The following TWSG1 variants were observed in gnomAD, a reference collection of about 807,000 sequenced individuals.
The protein encoded by TWSG1 is twisted gastrulation BMP signaling modulator 1.
TWSG1 carries 15 observed loss-of-function variants against 23.0 expected under a neutral mutation model. The observed-to-expected ratio is 0.65, with a 90% CI of 0.44 to 1.00. TWSG1 has a LOEUF of 1.00. Among genes scored for constraint, TWSG1 ranks in the 50% least tolerant of loss-of-function variants. The pLI is 0.00. For missense variants in TWSG1, 242 were observed against 278.7 expected (o/e 0.87, Z 0.94); for synonymous variants, 86 against 92.8 (o/e 0.93, Z 0.42).
At chr18:9,349,913 G>A (rs1173390969) in intron 2 of TWSG1, among the ~76,000 whole-genome samples, 3 of 152,122 alleles carry the variant, frequency 2.0e-5, no homozygotes, top group African/African-American at 4.8e-5. Context: ...AGGCTGAGGC[G>A]GGCAGGTCAC....
chr18:9,374,378 A>T (rs906370449), intron 3 of TWSG1, among the ~76,000 whole-genome samples: 11 of 152,240 alleles, frequency 7.2e-5, no homozygotes, highest in African/African-American at 2.7e-4. Context: ...TAGTAAAAGG[A>T]CAATAAAAGA....
chr18:9,385,789 T>C (rs899213829), intron 3 of TWSG1, among the ~76,000 whole-genome samples: 1 of 151,578 alleles, frequency 6.6e-6, no homozygotes, highest in East Asian at 1.9e-4. Flanking sequence ...TTTTAAAAAC[T>C]GATTGTTATC....
intron 3 of TWSG1, among the ~76,000 whole-genome samples, chr18:9,381,276 C>G (rs1255212781): frequency 6.6e-6 from 1 of 152,180 alleles, no homozygotes; most frequent in Non-Finnish European, 1.5e-5. Context: ...ATCTGTTCTT[C>G]TAATGCAACT....
chr18:9,349,427 T>C (rs996868684), intron 2 of TWSG1, among the ~76,000 whole-genome samples: 1 of 152,214 alleles, frequency 6.6e-6, no homozygotes, highest in Non-Finnish European at 1.5e-5. Flanking sequence ...CTTTGTTGTC[T>C]GAACATTTAT....
At chr18:9,365,282 A>C (rs1397956447) in intron 3 of TWSG1, among the ~76,000 whole-genome samples, 1 of 152,190 alleles carries the variant, frequency 6.6e-6, no homozygotes, top group African/African-American at 2.4e-5. Flanking sequence ...TGATTGCACT[A>C]CAGCACTCCA....
intron 3 of TWSG1, among the ~76,000 whole-genome samples, chr18:9,383,288 G>A (rs1384764040): frequency 6.7e-6 from 1 of 150,160 alleles, no homozygotes; most frequent in Non-Finnish European, 1.5e-5. Context: ...CCGCCTCCCA[G>A]GTTCAAACGA....
chr18:9,394,110 A>C lies in TWSG1; in HGVS notation c.224-2170A>C, dbSNP rs138733219. Among the ~76,000 whole-genome samples, 1,111 of 152,334 alleles carry C rather than the reference A, an allele frequency of 7.3e-3. 7 individuals are homozygous for C. The highest frequency in any genetic ancestry group is 0.012 in the Non-Finnish European group (796 of 68,028). ...AAGAGACATCTGCACCTCTGTGTTTATTGCAGCAGTATTCACAATTGCCAA... is the reference window on the plus strand; with the variant it reads ...AAGAGACATCTGCACCTCTGTGTTTCTTGCAGCAGTATTCACAATTGCCAA... On this transcript the variant is annotated intron_variant, in intron 3 of 4. Coordinates refer to ENST00000262120, the MANE Select transcript of TWSG1 (RefSeq NM_020648.6).
At chr18:9,382,058 G>T (rs1361271237) in intron 3 of TWSG1, among the ~76,000 whole-genome samples, 4 of 150,582 alleles carry the variant, frequency 2.7e-5, no homozygotes, top group African/African-American at 9.8e-5. Context: ...TACATCAAAA[G>T]GTATCTTTCA....
rs568244360 is a variant in TWSG1, at chr18:9,385,666, G to A, written c.224-10614G>A. Among the ~76,000 whole-genome samples the A allele has an allele frequency of 4.7e-3, 132 of 27,810 alleles. 35 individuals are homozygous for A. Among genetic ancestry groups the A allele is most frequent in the Non-Finnish European group, 6.4e-3 (105 of 16,354 alleles). 18.2% of individuals were successfully genotyped at this position (27,810 alleles called of 152,430 possible). A position where few individuals can be genotyped will look rare whatever the true frequency, so the allele number is the denominator to read the frequency against. Reference sequence around the variant, plus strand: ...ATTGCGCCACTGCAGTCCGCAGTCCGACCTGGGCGACAGAGCGAGACTCCG... The same window carrying A: ...ATTGCGCCACTGCAGTCCGCAGTCCAACCTGGGCGACAGAGCGAGACTCCG... On this transcript the variant is annotated intron_variant, in intron 3 of 4. Transcript: ENST00000262120.
intron 2 of TWSG1, among the ~76,000 whole-genome samples, chr18:9,348,694 G>GA (rs1211744441): frequency 3.9e-5 from 6 of 152,170 alleles, no homozygotes; most frequent in African/African-American, 1.4e-4. Flanking sequence ...GTACAGAAAT[G>GA]AATACAATAA....
chr18:9,382,612 G>A (rs1464966225), intron 3 of TWSG1, among the ~76,000 whole-genome samples: 3 of 151,512 alleles, frequency 2.0e-5, no homozygotes, highest in Non-Finnish European at 4.4e-5. Flanking sequence ...TCAGGAGTTC[G>A]CCTGGCCAAC....
intron 3 of TWSG1, among the ~76,000 whole-genome samples, chr18:9,369,098 A>G (rs2040592682): frequency 6.7e-6 from 1 of 149,970 alleles, no homozygotes; most frequent in Admixed American, 6.8e-5. Flanking sequence ...AACAGAGTAG[A>G]CTCTGTCTCA....
chr18:9,377,144 A>T (rs935607975), intron 3 of TWSG1, among the ~76,000 whole-genome samples: 51 of 152,188 alleles, frequency 3.4e-4, no homozygotes, highest in Middle Eastern at 3.4e-3. Context: ...TCAAGGGATG[A>T]CTGTAGTCAA....
At chr18:9,356,921 T>G (rs1421752201) in intron 2 of TWSG1, among the ~76,000 whole-genome samples, 1 of 151,428 alleles carries the variant, frequency 6.6e-6, no homozygotes, top group Non-Finnish European at 1.5e-5. Context: ...TAAATTAAAA[T>G]TTTTTAAAAA....
intron 3 of TWSG1, among the ~76,000 whole-genome samples, chr18:9,383,690 G>C (rs1322963291): frequency 6.6e-6 from 1 of 152,158 alleles, no homozygotes; most frequent in Non-Finnish European, 1.5e-5. Context: ...GTCAGAGTTT[G>C]GTTTGAATTG....
intron 2 of TWSG1, among the ~76,000 whole-genome samples, chr18:9,338,314 A>G (rs2040431593): frequency 6.6e-6 from 1 of 152,192 alleles, no homozygotes; most frequent in African/African-American, 2.4e-5. Flanking sequence ...TTGCATTTCA[A>G]ACCAAAACAT....
intron 3 of TWSG1, among the ~76,000 whole-genome samples, chr18:9,392,120 GA>G (rs2040715771): frequency 6.6e-6 from 1 of 152,160 alleles, no homozygotes; most frequent in African/African-American, 2.4e-5. Context: ...AGCTGCATTA[GA>G]CCCCAACAAC....
rs145474311 is a variant in TWSG1, at chr18:9,370,410, C to G, written c.223+10339C>G. On this transcript the variant is annotated intron_variant, in intron 3 of 4. Coordinates refer to ENST00000262120, the MANE Select transcript of TWSG1 (RefSeq NM_020648.6). ...AGATACATAATGATCACTTTCCAAT[C>G]TCTTCCCAAATTCAACCATCGTCAG... Among the ~76,000 whole-genome samples, 17 of 152,260 alleles carry G rather than the reference C, an allele frequency of 1.1e-4. No homozygotes were observed. In the East Asian group the frequency reaches 1.7e-3, roughly 16 times the overall value.
chr18:9,388,476 A>C (rs1311513100), intron 3 of TWSG1: 3 of 152,246 alleles, frequency 2.0e-5, no homozygotes, highest in Non-Finnish European at 4.4e-5. Flanking sequence ...ACAAGGCTGC[A>C]TTGTGAATTT....
Sources: gnomAD v4.1 joint callset for allele counts (sites outside exome capture counted in the v4.1 genomes callset) on GRCh38, gnomAD v4.1.1 for gene constraint, MANE v1.5 for transcripts, NCBI Gene and HGNC (gene_info 2026-07-23, HGNC 2026-07-21) for gene names.